The following SEPTIN9 variants were observed in gnomAD, a reference collection of about 807,000 sequenced individuals.
The protein encoded by SEPTIN9 is septin-9.
A neutral mutation model predicts 56.6 loss-of-function variants in SEPTIN9; 13 were observed. The ratio of observed to expected loss-of-function variants is 0.23; its 90% CI spans 0.15 to 0.37. The LOEUF (loss-of-function observed/expected upper bound fraction) is 0.37. Ranked by LOEUF, SEPTIN9 falls within the 10% of genes least tolerant of loss-of-function variation. SEPTIN9 has a pLI of 1.00. For synonymous variants in SEPTIN9, 332 were observed against 334.1 expected (o/e 0.99, Z 0.07); for missense variants, 650 against 823.1 (o/e 0.79, Z 2.57).
intron 3 of SEPTIN9, among the ~76,000 whole-genome samples, chr17:77,470,193 ATCCACTCATCATCCG>A (rs2038926246): frequency 6.9e-6 from 1 of 145,012 alleles, no homozygotes; most frequent in Admixed American, 6.8e-5. Flanking sequence ...TCATCCACCC[ATCCACTCATCATCCG>A]TCCACTCACC....
At chr17:77,283,722 C>T (rs965145406) in intron 1 of SEPTIN9, among the ~76,000 whole-genome samples, 9 of 152,106 alleles carry the variant, frequency 5.9e-5, no homozygotes, top group Non-Finnish European at 5.9e-5. Flanking sequence ...TTTGAACATT[C>T]GTGAGCCTCT....
intron 2 of SEPTIN9, among the ~76,000 whole-genome samples, chr17:77,328,468 C>T (rs1483195830): frequency 3.9e-5 from 6 of 152,198 alleles, no homozygotes; most frequent in Non-Finnish European, 5.9e-5. Flanking sequence ...CAGGTTCAAG[C>T]GATTCTCCTG....
At chr17:77,321,071 T>C (rs1238768958) in intron 2 of SEPTIN9, among the ~76,000 whole-genome samples, 1 of 152,240 alleles carries the variant, frequency 6.6e-6, no homozygotes, top group East Asian at 1.9e-4. Flanking sequence ...TGCGGTGCCG[T>C]GGCTGCCATC....
chr17:77,460,547 G>A (rs1395304545), intron 3 of SEPTIN9, among the ~76,000 whole-genome samples: 1 of 152,190 alleles, frequency 6.6e-6, no homozygotes, highest in African/African-American at 2.4e-5. Flanking sequence ...GCGTGGCTGG[G>A]GTTTGGGATA....
chr17:77,309,390 C>T (rs2032392503), intron 2 of SEPTIN9, among the ~76,000 whole-genome samples: 4 of 152,374 alleles, frequency 2.6e-5, no homozygotes, highest in African/African-American at 9.6e-5. Flanking sequence ...CCTCTGTGGG[C>T]TCTGGCCCGA....
chr17:77,455,516 C>T (rs1964617911), intron 3 of SEPTIN9, among the ~76,000 whole-genome samples: 1 of 152,242 alleles, frequency 6.6e-6, no homozygotes, highest in African/African-American at 2.4e-5. Context: ...CGTCCTCCCT[C>T]CCCCAGATCC....
intron 3 of SEPTIN9, among the ~76,000 whole-genome samples, chr17:77,430,391 G>T (rs1429222405): frequency 2.0e-5 from 3 of 152,192 alleles, no homozygotes; most frequent in Admixed American, 1.3e-4. Flanking sequence ...CATGCAGCGG[G>T]GGGTGGAGGA....
intron 2 of SEPTIN9, among the ~76,000 whole-genome samples, chr17:77,387,856 GGT>G (rs67833850): frequency 2.0e-5 from 3 of 152,072 alleles, no homozygotes; most frequent in Admixed American, 1.3e-4. Flanking sequence ...TGCTGGGGAA[GGT>G]GCCTGATCTA....
chr17:77,392,987 C>G (rs555765326), intron 2 of SEPTIN9, among the ~76,000 whole-genome samples: 1 of 152,246 alleles, frequency 6.6e-6, no homozygotes, highest in South Asian at 2.1e-4. Context: ...TGTCCTCCTC[C>G]CTATCCGGAG....
At chr17:77,444,734 T>G (rs1598385139) in intron 3 of SEPTIN9, 1 of 204,692 alleles carries the variant, frequency 4.9e-6, no homozygotes, top group South Asian at 6.7e-5. Context: ...TCAGATGGGG[T>G]GGGGCTGGAT....
chr17:77,322,809 G>C (rs1351243363), intron 2 of SEPTIN9: 1 of 152,346 alleles, frequency 6.6e-6, no homozygotes, highest in Non-Finnish European at 1.5e-5. Flanking sequence ...ACGCCGCGTT[G>C]TCAGGCTGCA....
chr17:77,411,087 GAA>G (rs34737205), intron 3 of SEPTIN9, among the ~76,000 whole-genome samples: 5 of 132,670 alleles, frequency 3.8e-5, no homozygotes, highest in Non-Finnish European at 1.6e-5. Flanking sequence ...TCCCATCTGG[GAA>G]AAAAAAAAAA....
intron 3 of SEPTIN9, among the ~76,000 whole-genome samples, chr17:77,477,722 A>C: frequency 6.6e-6 from 1 of 152,144 alleles, no homozygotes. Flanking sequence ...GCAAAAAGTC[A>C]CTTTGAGCCA....
rs182619375 is a variant in SEPTIN9, at chr17:77,340,457, A to G, written c.76+33260A>G. Among the ~76,000 whole-genome samples the G allele has an allele frequency of 2.9e-3, 446 of 152,180 alleles. 4 individuals carry two copies. Among genetic ancestry groups the G allele is most frequent in the Non-Finnish European group, 3.5e-3 (240 of 67,994 alleles). ...CACCAGGCCTCAATGGGTTTTTAAT[A>G]TTCAGTAAACCATGCTGTAAACAGA... is the stretch of plus-strand genomic sequence containing the variant. On this transcript the variant is annotated intron_variant, in intron 2 of 11. Coordinates refer to ENST00000427177, the MANE Select transcript of SEPTIN9 (RefSeq NM_001113491.2).
chr17:77,480,176 CA>C (rs917406776), intron 3 of SEPTIN9, among the ~76,000 whole-genome samples: 7 of 152,202 alleles, frequency 4.6e-5, no homozygotes, highest in African/African-American at 1.7e-4. Flanking sequence ...TGGCATTTCC[CA>C]ACAAGGAATT....
rs552010276 is a variant in SEPTIN9 at position 77,475,111 on chromosome 17, C to T, written c.722-7033C>T. The stretch of plus-strand genomic sequence containing the variant: ...TTCATTCATTCACCAGACTTTTTGC[C>T]GGGGCTTGCCGTGAGCCCTACGCTG... On this transcript the variant is annotated intron_variant, in intron 3 of 11. Transcript: ENST00000427177. The surrounding 1 kb of genome is among the most constrained non-coding windows in gnomAD (Gnocchi z 4.6). 19 of 538,578 alleles carry T rather than the reference C, an allele frequency of 3.5e-5. No homozygotes were observed. Among genetic ancestry groups the T allele is most frequent in the East Asian group, 6.4e-5 (1 of 15,706 alleles). The allele number at this position is 538,578 out of a possible 1,614,324, so 33.4% of individuals were successfully genotyped here.
intron 2 of SEPTIN9, chr17:77,376,462 G>A: frequency 1.1e-6 from 1 of 933,702 alleles, no homozygotes; most frequent in Non-Finnish European, 1.3e-6. Flanking sequence ...TGGCCCCAGG[G>A]TTCCTGAGGC....
chr17:77,302,112 T>C (rs1416636670), intron 1 of SEPTIN9, among the ~76,000 whole-genome samples: 2 of 152,350 alleles, frequency 1.3e-5, no homozygotes, highest in East Asian at 3.8e-4. Flanking sequence ...GCTCAGATTC[T>C]GAGTGCCTGT....
chr17:77,487,735 A>C lies in SEPTIN9; in HGVS notation c.1042+183A>C, dbSNP rs2039857750. ...CCATCACACACAGTCAGTGGCCGGGAGTGGGCTGGGGATGCAGGACGCCCC... is the reference window on the plus strand; with the variant it reads ...CCATCACACACAGTCAGTGGCCGGGCGTGGGCTGGGGATGCAGGACGCCCC... On this transcript the variant is annotated intron_variant, in intron 5 of 11. Coordinates refer to ENST00000427177, the MANE Select transcript of SEPTIN9 (RefSeq NM_001113491.2). This position sits in a 1 kb window ranked among gnomAD's most constrained non-coding sequence, Gnocchi z 4.3. Among the ~76,000 whole-genome samples, 1 of 115,752 alleles carries C rather than the reference A, an allele frequency of 8.6e-6. No individual in the cohort carries two copies. The highest frequency in any genetic ancestry group is 1.7e-5 in the Non-Finnish European group (1 of 58,624). 75.9% of individuals were successfully genotyped at this position (115,752 alleles called of 152,430 possible). A position where few individuals can be genotyped will look rare whatever the true frequency, so the allele number is the denominator to read the frequency against.
Sources: gnomAD v4.1 joint callset for allele counts (sites outside exome capture counted in the v4.1 genomes callset) on GRCh38, gnomAD v4.1.1 for gene constraint, Gnocchi (gnomAD v3.1) non-coding constraint, MANE v1.5 for transcripts, NCBI Gene and HGNC (gene_info 2026-07-23, HGNC 2026-07-21) for gene names.